MND1: variants seen among roughly 807,000 people sequenced by gnomAD.
MND1 encodes the protein meiotic nuclear division protein 1 homolog.
A neutral mutation model predicts 35.1 loss-of-function variants in MND1; 28 were observed. That is an observed-to-expected ratio of 0.80 (90% CI 0.59 to 1.09). The LOEUF (loss-of-function observed/expected upper bound fraction) is 1.09. MND1 is among the 50% of genes least tolerant of loss of function. The pLI, the probability that MND1 is intolerant of heterozygous loss-of-function variation, is 0.00. For missense variants in MND1, 213 were observed against 239.6 expected (o/e 0.89, Z 0.73); for synonymous variants, 69 against 70.5 (o/e 0.98, Z 0.11).
Position 153,414,842 on chromosome 4 carries a change from T to TGACTA in MND1, c.604_608dup (p.Tyr203Ter). The TGACTA allele has an allele frequency of 6.8e-7, 1 of 1,479,790 alleles. No homozygotes were observed. Among genetic ancestry groups the TGACTA allele is most frequent in the African/African-American group, 1.4e-5 (1 of 70,992 alleles). 91.7% of individuals were successfully genotyped at this position (1,479,790 alleles called of 1,614,324 possible). A position where few individuals can be genotyped will look rare whatever the true frequency, so the allele number is the denominator to read the frequency against. ...GAACTTTTGGAATTCCAGAAGACTTTGACTACATAGACTAAAATATTCCAT... is the reference window on the plus strand; with the variant it reads ...GAACTTTTGGAATTCCAGAAGACTTTGACTAGACTACATAGACTAAAATATTCCAT... On this transcript the variant is annotated frameshift_variant, in exon 8 of 8. Transcript: ENST00000240488. LOFTEE classifies it high-confidence loss of function.
At chr4:153,403,956 C>T (rs1445487097) in intron 6 of MND1, among the ~76,000 whole-genome samples, 1 of 151,836 alleles carries the variant, frequency 6.6e-6, no homozygotes, top group Non-Finnish European at 1.5e-5. Flanking sequence ...AGGATTTCAC[C>T]ATGTTACTCA....
intron 6 of MND1, among the ~76,000 whole-genome samples, chr4:153,398,717 T>G (rs1729267046): frequency 1.3e-5 from 2 of 152,186 alleles, no homozygotes; most frequent in Non-Finnish European, 2.9e-5. Context: ...GACCACAGAT[T>G]TATTTGTCAT....
intron 1 of MND1, among the ~76,000 whole-genome samples, chr4:153,349,038 A>G (rs982408062): frequency 2.0e-5 from 3 of 151,820 alleles, no homozygotes; most frequent in Non-Finnish European, 2.9e-5. Flanking sequence ...CAGATCACAT[A>G]AGAAATATTA....
At chr4:153,354,519 A>G (rs1773293784) in intron 2 of MND1, among the ~76,000 whole-genome samples, 1 of 151,990 alleles carries the variant, frequency 6.6e-6, no homozygotes, top group Non-Finnish European at 1.5e-5. Context: ...GTTTTTTGAG[A>G]CACAGTCTTA....
intron 4 of MND1, among the ~76,000 whole-genome samples, chr4:153,391,210 C>T (rs1440318565): frequency 3.3e-5 from 5 of 151,734 alleles, no homozygotes; most frequent in Non-Finnish European, 5.9e-5. Context: ...GTTGCCCAGG[C>T]TGGAGCACAG....
chr4:153,404,313 C>T (rs1429727036), intron 6 of MND1, among the ~76,000 whole-genome samples: 2 of 147,024 alleles, frequency 1.4e-5, no homozygotes, highest in Admixed American at 1.4e-4. Flanking sequence ...TCCTAAGTAG[C>T]TGAGACTACA....
intron 5 of MND1, among the ~76,000 whole-genome samples, chr4:153,396,149 T>C (rs1016362500): frequency 6.6e-6 from 1 of 152,156 alleles, no homozygotes; most frequent in African/African-American, 2.4e-5. Flanking sequence ...TGTGTGGCTA[T>C]TTATATTTAA....
chr4:153,397,136 A>G, intron 5 of MND1, 83 bp from the exon 6 acceptor site: 1 of 890,164 alleles, frequency 1.1e-6, no homozygotes, highest in Non-Finnish European at 1.7e-6. Flanking sequence ...AAGAAATAAA[A>G]TGAAATTGTT....
At position 153,384,546 on chromosome 4, in the gene MND1, G is replaced by A. The variant is rs367827755; in HGVS notation, c.277-9716G>A. 4.6e-4 allele frequency among the ~76,000 whole-genome samples: 66 copies of A among 142,636 alleles called. No homozygotes were observed. In the East Asian group the frequency reaches 0.013, roughly 28 times the overall value. 93.6% of individuals were successfully genotyped at this position (142,636 alleles called of 152,430 possible). A position where few individuals can be genotyped will look rare whatever the true frequency, so the allele number is the denominator to read the frequency against. ...GGCCTCAACCGATCTTCCCACCTTG[G>A]CCTCCCAAAGTGTTGGGATTACAGG... On this transcript the variant is annotated intron_variant, in intron 4 of 7. Transcript: ENST00000240488.
intron 4 of MND1, among the ~76,000 whole-genome samples, chr4:153,392,347 G>A (rs981679455): frequency 9.9e-5 from 15 of 151,970 alleles, no homozygotes; most frequent in East Asian, 3.9e-4. Context: ...CCTCGTGATC[G>A]GCCCGCCTCA....
At chr4:153,350,205 C>T (rs1773179830) in intron 2 of MND1, 76 bp downstream of exon 2, 1 of 1,032,818 alleles carries the variant, frequency 9.7e-7, no homozygotes, top group Non-Finnish European at 1.5e-6. Context: ...GTTAACTGTC[C>T]CCTCTTTGTT....
intron 4 of MND1, among the ~76,000 whole-genome samples, chr4:153,363,321 C>A (rs1366396085): frequency 1.3e-5 from 2 of 151,898 alleles, no homozygotes; most frequent in African/African-American, 4.8e-5. Context: ...AAGCAATTCT[C>A]CTGCCTCAGC....
At chr4:153,406,922 A>T (rs556168913) in intron 6 of MND1, among the ~76,000 whole-genome samples, 1 of 152,354 alleles carries the variant, frequency 6.6e-6, no homozygotes, top group East Asian at 1.9e-4. Context: ...GGTACGTCTC[A>T]CATGGTGGCA....
chr4:153,344,711 GCCAGCGGAAGCCCCTGCGCCCGC>G lies in MND1; in HGVS notation c.-26_-4del. On this transcript the variant is annotated 5_prime_UTR_variant, in exon 1 of 8. Coordinates refer to ENST00000240488, the MANE Select transcript of MND1 (RefSeq NM_032117.4). ...GCCCCTCTCCCCAAGCGCGGGCCCG[GCCAGCGGAAGCCCCTGCGCCCGC>G]GCCATGGTAAGGACTGAGGCTACGG... 6.3e-7 allele frequency: 1 copy of G among 1,585,764 alleles called. No homozygotes were observed. The highest frequency in any genetic ancestry group is 8.6e-7 in the Non-Finnish European group (1 of 1,167,266).
chr4:153,370,863 A>G (rs942929331), intron 4 of MND1, among the ~76,000 whole-genome samples: 7 of 152,018 alleles, frequency 4.6e-5, no homozygotes, highest in Non-Finnish European at 8.8e-5. Flanking sequence ...CCTTCCCAGA[A>G]GGTTTTCAAT....
chr4:153,384,831 GGAC>G (rs1299305279), intron 4 of MND1, among the ~76,000 whole-genome samples: 1 of 151,974 alleles, frequency 6.6e-6, no homozygotes, highest in African/African-American at 2.4e-5. Flanking sequence ...TAGGATTTCT[GGAC>G]TACATTTCTT....
chr4:153,346,748 C>T (rs1773084531), intron 1 of MND1, among the ~76,000 whole-genome samples: 2 of 152,232 alleles, frequency 1.3e-5, no homozygotes, highest in Middle Eastern at 3.4e-3. Flanking sequence ...AACTGGGTAC[C>T]CCAGGACGCT....
At chr4:153,361,274 T>G (rs530839711) in intron 4 of MND1, among the ~76,000 whole-genome samples, 32 of 152,370 alleles carry the variant, frequency 2.1e-4, no homozygotes, top group African/African-American at 7.7e-4. Flanking sequence ...TTATCATTGC[T>G]TCCCGAATAT....
intron 4 of MND1, among the ~76,000 whole-genome samples, chr4:153,361,241 A>G (rs949649709): frequency 1.3e-5 from 2 of 152,174 alleles, no homozygotes; most frequent in Non-Finnish European, 2.9e-5. Flanking sequence ...TAAACTCTCA[A>G]TCTTTGTTTG....
Sources: gnomAD v4.1 joint callset for allele counts (sites outside exome capture counted in the v4.1 genomes callset) on GRCh38, gnomAD v4.1.1 for gene constraint, MANE v1.5 for transcripts, NCBI Gene and HGNC (gene_info 2026-07-23, HGNC 2026-07-21) for gene names.